SLC1A2: variants seen among roughly 807,000 people sequenced by gnomAD.
SLC1A2 encodes excitatory amino acid transporter 2.
In SLC1A2, 15 loss-of-function variants were observed where a neutral mutation model predicts 48.8. The ratio of observed to expected loss-of-function variants is 0.31; its 90% CI spans 0.21 to 0.47. The LOEUF (loss-of-function observed/expected upper bound fraction) is 0.47, where lower values mean the gene tolerates loss of function less well. Among genes scored for constraint, SLC1A2 ranks in the 20% least tolerant of loss-of-function variants. The pLI is 0.99. For missense variants in SLC1A2, 502 were observed against 730.5 expected (o/e 0.69, Z 3.61); for synonymous variants, 279 against 272.6 (o/e 1.02, Z -0.23).
intron 9 of SLC1A2, among the ~76,000 whole-genome samples, chr11:35,279,095 A>G (rs1056089271): frequency 5.9e-5 from 9 of 152,240 alleles, no homozygotes; most frequent in Non-Finnish European, 1.3e-4. Flanking sequence ...CTGGCAAGTC[A>G]GGCAGTTTGA....
chr11:35,415,215 T>G (rs1855571664), intron 1 of SLC1A2, among the ~76,000 whole-genome samples: 1 of 152,226 alleles, frequency 6.6e-6, no homozygotes, highest in Non-Finnish European at 1.5e-5. Flanking sequence ...ACAAAACACC[T>G]AATTGTGTTG....
intron 10 of SLC1A2, chr11:35,261,940 C>T: frequency 2.6e-6 from 1 of 387,126 alleles, no homozygotes; most frequent in African/African-American, 2.1e-5. Flanking sequence ...CCCCATTAGC[C>T]CCCCAATTTT....
intron 1 of SLC1A2, among the ~76,000 whole-genome samples, chr11:35,388,618 C>T (rs1854656583): frequency 6.6e-6 from 1 of 152,218 alleles, no homozygotes; most frequent in South Asian, 2.1e-4. Flanking sequence ...TGGTCTTAAA[C>T]TCTTGGACTC....
chr11:35,348,225 A>G (rs556896332), intron 1 of SLC1A2, among the ~76,000 whole-genome samples: 4 of 131,954 alleles, frequency 3.0e-5, no homozygotes, highest in African/African-American at 1.0e-4. Flanking sequence ...GTCCTGGGCC[A>G]TCTGTTTTTA....
In SLC1A2 at chr11:35,253,529, G is replaced by GA. The variant is rs758990539; in HGVS notation, c.*7364dup. ...AAAGCAAAATGAGAATGCTCAGCTG[G>GA]AAAAACAAGGCCTGGTGTCAAACAT... On this transcript the variant is annotated 3_prime_UTR_variant, in exon 11 of 11. Coordinates refer to ENST00000278379, the MANE Select transcript of SLC1A2 (RefSeq NM_004171.4). 6.6e-6 allele frequency: 1 copy of GA among 152,574 alleles called. No individual in the cohort carries two copies. The highest frequency in any genetic ancestry group is 1.5e-5 in the Non-Finnish European group (1 of 68,014). 9.5% of individuals were successfully genotyped at this position (152,574 alleles called of 1,614,324 possible). A position where few individuals can be genotyped will look rare whatever the true frequency, so the allele number is the denominator to read the frequency against.
chr11:35,306,055 G>T lies in SLC1A2; in HGVS notation c.730+19C>A. The T allele has an allele frequency of 1.2e-6, 2 of 1,610,450 alleles. No homozygotes were observed. Among genetic ancestry groups the T allele is most frequent in the South Asian group, 1.1e-5 (1 of 90,888 alleles). ...GCCATTGCCAGGGAAGCAGAATCCC[G>T]GACCACCAGCTGGCCTACCTAAGAC... On this transcript the variant is annotated intron_variant, in intron 5 of 10. Transcript: ENST00000278379.
At chr11:35,317,731 C>A (rs987737119) in intron 1 of SLC1A2, among the ~76,000 whole-genome samples, 2 of 152,190 alleles carry the variant, frequency 1.3e-5, no homozygotes, top group Admixed American at 6.5e-5. Flanking sequence ...AGGAACACCG[C>A]ATGCAATGGT....
intron 4 of SLC1A2, among the ~76,000 whole-genome samples, chr11:35,311,889 A>G (rs1241997654): frequency 1.4e-5 from 1 of 72,590 alleles, no homozygotes; most frequent in Non-Finnish European, 2.4e-5. Context: ...AGAGAGAGAG[A>G]GAGGGAGGGA....
Position 35,260,468 on chromosome 11 carries a change from C to A in SLC1A2, c.*426G>T. 1 of 163,106 alleles carries A rather than the reference C, an allele frequency of 6.1e-6. No homozygotes were observed. The highest frequency in any genetic ancestry group is 2.4e-5 in the African/African-American group (1 of 41,674). The allele number at this position is 163,106 out of a possible 1,614,324, so 10.1% of individuals were successfully genotyped here. A position where few individuals can be genotyped will look rare whatever the true frequency, so the allele number is the denominator to read the frequency against. ...ATAGAATCTCTTGTGCATAACAAGG[C>A]GAGACATGGAGAACACTTTAAGGAA... On this transcript the variant is annotated 3_prime_UTR_variant, in exon 11 of 11. Coordinates refer to ENST00000278379, the MANE Select transcript of SLC1A2 (RefSeq NM_004171.4).
At chr11:35,356,221 A>G (rs1204638416) in intron 1 of SLC1A2, among the ~76,000 whole-genome samples, 2 of 152,224 alleles carry the variant, frequency 1.3e-5, no homozygotes, top group South Asian at 2.1e-4. Flanking sequence ...GGACCCCATG[A>G]TGTTTTTTTC....
chr11:35,418,648 T>C (rs1855685822), intron 1 of SLC1A2: 2 of 441,862 alleles, frequency 4.5e-6, no homozygotes, highest in East Asian at 4.5e-5. Flanking sequence ...CCCTATTGTT[T>C]TGAAATCCCA....
At chr11:35,417,487 C>A (rs949007396) in intron 1 of SLC1A2, among the ~76,000 whole-genome samples, 3 of 152,188 alleles carry the variant, frequency 2.0e-5, no homozygotes, top group Non-Finnish European at 4.4e-5. Context: ...TCTTTCATAT[C>A]TTTTCTAATA....
intron 1 of SLC1A2, among the ~76,000 whole-genome samples, chr11:35,353,853 C>A (rs912200578): frequency 1.3e-5 from 2 of 152,164 alleles, no homozygotes. Context: ...CAATTACAGG[C>A]CAAAGCCTCC....
intron 1 of SLC1A2, chr11:35,323,021 C>T (rs1852126155): frequency 6.2e-6 from 3 of 485,790 alleles, no homozygotes; most frequent in Non-Finnish European, 1.1e-5. Context: ...ACCGTGTTGT[C>T]ACAGATCCTG....
intron 5 of SLC1A2, among the ~76,000 whole-genome samples, chr11:35,304,652 A>C (rs1851450647): frequency 6.6e-6 from 1 of 152,158 alleles, no homozygotes; most frequent in Admixed American, 6.5e-5. Context: ...CAAACAAAAA[A>C]GATCTGCTTC....
chr11:35,251,592 T>A lies in SLC1A2; in HGVS notation c.*9302A>T, dbSNP rs1591387878. The A allele has an allele frequency of 6.6e-6, 1 of 152,448 alleles. No homozygotes were observed. The highest frequency in any genetic ancestry group is 2.4e-5 in the African/African-American group (1 of 41,476). 9.4% of individuals were successfully genotyped at this position (152,448 alleles called of 1,614,324 possible). Reference sequence around the variant, plus strand: ...ATACAATTAGTTTTATCTTTTGTTCTGGACATACAAGAATTTTCAAAGAGA... The same window carrying A: ...ATACAATTAGTTTTATCTTTTGTTCAGGACATACAAGAATTTTCAAAGAGA... On this transcript the variant is annotated 3_prime_UTR_variant, in exon 11 of 11. Coordinates refer to ENST00000278379, the MANE Select transcript of SLC1A2 (RefSeq NM_004171.4).
chr11:35,265,825 T>C, intron 9 of SLC1A2, 67 bp from the exon 10 acceptor site: 1 of 989,820 alleles, frequency 1.0e-6, no homozygotes, highest in Non-Finnish European at 1.6e-6. Flanking sequence ...GAGGTCAAGG[T>C]CTGGAGTCAG....
intron 1 of SLC1A2, among the ~76,000 whole-genome samples, chr11:35,338,774 C>T (rs145985461): frequency 6.6e-6 from 1 of 152,302 alleles, no homozygotes; most frequent in Admixed American, 6.5e-5. Flanking sequence ...TTAAGTCAGA[C>T]TAAGGTAGGC....
At chr11:35,339,649 A>G (rs970655404) in intron 1 of SLC1A2, among the ~76,000 whole-genome samples, 1 of 152,214 alleles carries the variant, frequency 6.6e-6, no homozygotes, top group African/African-American at 2.4e-5. Context: ...ATTTTCAACC[A>G]TGAGAGTTGA....
Sources: gnomAD v4.1 joint callset for allele counts (sites outside exome capture counted in the v4.1 genomes callset) on GRCh38, gnomAD v4.1.1 for gene constraint, MANE v1.5 for transcripts, NCBI Gene and HGNC (gene_info 2026-07-23, HGNC 2026-07-21) for gene names.